Variants in CSMD1 observed in about 807,000 individuals in gnomAD.
CSMD1 encodes the protein CUB and sushi domain-containing protein 1.
CSMD1 carries 213 observed loss-of-function variants against 417.5 expected under a neutral mutation model. That is an observed-to-expected ratio of 0.51 (90% confidence interval 0.46 to 0.57). CSMD1 has a LOEUF of 0.57. Ranked by LOEUF, CSMD1 falls within the 20% of genes least tolerant of loss-of-function variation. The pLI is 0.00. For synonymous variants in CSMD1, 2,862 were observed against 1,736.8 expected (o/e 1.65, Z -16.11); for missense variants, 6,923 against 4,529.7 (o/e 1.53, Z -15.17).
chr8:3,117,849 C>A (rs981271133), intron 42 of CSMD1, among the ~76,000 whole-genome samples: 1 of 152,148 alleles, frequency 6.6e-6, no homozygotes, highest in African/African-American at 2.4e-5. Flanking sequence ...CTGTACACTG[C>A]GCTCTTTCTT....
chr8:4,230,402 C>T (rs920473203), intron 3 of CSMD1, among the ~76,000 whole-genome samples: 1 of 152,148 alleles, frequency 6.6e-6, no homozygotes, highest in African/African-American at 2.4e-5. Context: ...AATAAATGAT[C>T]TTGTATATAA....
chr8:4,505,132 A>G (rs1165274068), intron 2 of CSMD1, among the ~76,000 whole-genome samples: 4 of 152,216 alleles, frequency 2.6e-5, no homozygotes, highest in African/African-American at 7.2e-5. Context: ...AAACAGAAAA[A>G]CAAAACCAAA....
At chr8:3,473,671 A>G (rs1817238225) in intron 11 of CSMD1, among the ~76,000 whole-genome samples, 1 of 152,208 alleles carries the variant, frequency 6.6e-6, no homozygotes, top group Non-Finnish European at 1.5e-5. Context: ...AGGTGCTCAA[A>G]TGAAGTCATT....
intron 26 of CSMD1, among the ~76,000 whole-genome samples, chr8:3,267,632 G>C (rs144197437): frequency 6.6e-6 from 1 of 152,164 alleles, no homozygotes; most frequent in Non-Finnish European, 1.5e-5. Flanking sequence ...AATGTGTCCC[G>C]GCAAAAGCAA....
intron 2 of CSMD1, among the ~76,000 whole-genome samples, chr8:4,586,335 C>T (rs762606462): frequency 6.6e-6 from 1 of 152,210 alleles, no homozygotes; most frequent in Non-Finnish European, 1.5e-5. Context: ...TGACTAATTG[C>T]TTGTGTAGAG....
intron 3 of CSMD1, among the ~76,000 whole-genome samples, chr8:4,246,506 G>T (rs73658498): frequency 3.2e-4 from 48 of 152,258 alleles, no homozygotes; most frequent in African/African-American, 1.1e-3. Context: ...AAAGAAAATT[G>T]TAAGACCCTT....
At chr8:4,604,526 T>C (rs1003848942) in intron 2 of CSMD1, among the ~76,000 whole-genome samples, 2 of 152,078 alleles carry the variant, frequency 1.3e-5, no homozygotes, top group African/African-American at 4.8e-5. Flanking sequence ...ATGATCAAAA[T>C]AGCTATCAAT....
chr8:4,941,271 C>A (rs1457644973), intron 1 of CSMD1, among the ~76,000 whole-genome samples: 1 of 105,418 alleles, frequency 9.5e-6, no homozygotes, highest in Non-Finnish European at 2.2e-5. Flanking sequence ...CAGTAACATT[C>A]TTTGATTCAA....
chr8:3,762,536 A>T (rs910228976), intron 5 of CSMD1, among the ~76,000 whole-genome samples: 1 of 152,226 alleles, frequency 6.6e-6, no homozygotes, highest in Admixed American at 6.5e-5. Context: ...TGACTCAGCG[A>T]GTCTGTAGCA....
chr8:3,741,129 A>C (rs550288454), intron 6 of CSMD1, among the ~76,000 whole-genome samples: 1 of 149,704 alleles, frequency 6.7e-6, no homozygotes, highest in African/African-American at 2.5e-5. Context: ...CAAGAGAATC[A>C]CTTGAAGCTG....
chr8:4,246,111 A>G (rs941477996), intron 3 of CSMD1, among the ~76,000 whole-genome samples: 1 of 152,098 alleles, frequency 6.6e-6, no homozygotes. Context: ...TGTTGTACAG[A>G]TTATTTGATC....
chr8:3,555,015 G>A (rs1280017050), intron 10 of CSMD1, among the ~76,000 whole-genome samples: 2 of 152,098 alleles, frequency 1.3e-5, no homozygotes, highest in Non-Finnish European at 2.9e-5. Context: ...TGAGGAGGAA[G>A]GGAAGAAGAC....
intron 26 of CSMD1, among the ~76,000 whole-genome samples, chr8:3,270,046 C>CTTTTTTTTTTTTTTT (rs200994813): frequency 3.4e-5 from 4 of 118,384 alleles, no homozygotes; most frequent in African/African-American, 6.2e-5. Flanking sequence ...CTAACCTCTT[C>CTTTTTTTTTTTTTTT]TTTTTTTTTT....
chr8:4,520,162 G>T (rs1361042311), intron 2 of CSMD1, among the ~76,000 whole-genome samples: 2 of 152,098 alleles, frequency 1.3e-5, no homozygotes, highest in Non-Finnish European at 2.9e-5. Context: ...AAATCAGTAA[G>T]CTTGGCTCTG....
intron 3 of CSMD1, among the ~76,000 whole-genome samples, chr8:4,333,861 TG>T (rs1473177420): frequency 6.6e-6 from 1 of 152,152 alleles, no homozygotes; most frequent in Non-Finnish European, 1.5e-5. Context: ...ATCTTTAACA[TG>T]GGGATTCTAA....
chr8:3,002,872 G>A (rs1366760278), intron 52 of CSMD1, among the ~76,000 whole-genome samples: 2 of 152,116 alleles, frequency 1.3e-5, no homozygotes, highest in African/African-American at 4.8e-5. Flanking sequence ...CTGAGGAATT[G>A]GCACCAAATG....
At chr8:4,800,685 T>C (rs1348223922) in intron 1 of CSMD1, among the ~76,000 whole-genome samples, 1 of 152,166 alleles carries the variant, frequency 6.6e-6, no homozygotes, top group Non-Finnish European at 1.5e-5. Flanking sequence ...GTCAGCTACG[T>C]TGGGCTAAGT....
chr8:4,292,473 C>T (rs1797426805), intron 3 of CSMD1, among the ~76,000 whole-genome samples: 1 of 152,072 alleles, frequency 6.6e-6, no homozygotes, highest in African/African-American at 2.4e-5. Flanking sequence ...AGAATGGTCT[C>T]GATCTGCTGA....
At chr8:4,240,132 A>G (rs775454681) in intron 3 of CSMD1, among the ~76,000 whole-genome samples, 6 of 152,226 alleles carry the variant, frequency 3.9e-5, no homozygotes, top group Non-Finnish European at 7.3e-5. Flanking sequence ...TCTATCTAAA[A>G]GTAAAATAAA....
Sources: gnomAD v4.1 joint callset for allele counts (sites outside exome capture counted in the v4.1 genomes callset) on GRCh38, gnomAD v4.1.1 for gene constraint, MANE v1.5 for transcripts, NCBI Gene and HGNC (gene_info 2026-07-23, HGNC 2026-07-21) for gene names.